NLGN1: variants seen among roughly 807,000 people sequenced by gnomAD.
The protein encoded by NLGN1 is neuroligin-1.
In NLGN1, 12 loss-of-function variants were observed where a neutral mutation model predicts 65.5. That is an observed-to-expected ratio of 0.18 (90% CI 0.12 to 0.30). The LOEUF is 0.30. Among genes scored for constraint, NLGN1 ranks in the 10% least tolerant of loss-of-function variants. The pLI is 1.00. For synonymous variants in NLGN1, 350 were observed against 359.5 expected, an observed-to-expected ratio of 0.97 and a Z score of 0.30; for missense variants, 750 against 1,007.1, an observed-to-expected ratio of 0.74 and a Z score of 3.46.
intron 2 of NLGN1, among the ~76,000 whole-genome samples, chr3:173,478,438 T>G (rs1199756128): frequency 6.6e-6 from 1 of 152,076 alleles, no homozygotes; most frequent in East Asian, 1.9e-4. Context: ...AAATAGCTAA[T>G]GCATACAGGG....
intron 1 of NLGN1, among the ~76,000 whole-genome samples, chr3:173,407,701 A>C (rs1284863989): frequency 1.3e-5 from 2 of 152,230 alleles, no homozygotes; most frequent in Non-Finnish European, 2.9e-5. Flanking sequence ...TAAGACAGGC[A>C]GCAGGGGCAG....
At chr3:173,538,294 A>G (rs1577161061) in intron 2 of NLGN1, among the ~76,000 whole-genome samples, 1 of 152,304 alleles carries the variant, frequency 6.6e-6, no homozygotes, top group East Asian at 1.9e-4. Context: ...CCATTCCACC[A>G]TTCTCTGAAA....
chr3:174,196,776 A>C (rs1733501127), intron 4 of NLGN1, among the ~76,000 whole-genome samples: 1 of 152,228 alleles, frequency 6.6e-6, no homozygotes, highest in Admixed American at 6.5e-5. Context: ...CATGATCTAC[A>C]ATGTATAGAA....
intron 4 of NLGN1, among the ~76,000 whole-genome samples, chr3:174,076,868 T>TA (rs1194118215): frequency 5.9e-5 from 9 of 152,098 alleles, no homozygotes; most frequent in Non-Finnish European, 1.2e-4. Context: ...ATGTGGCTGT[T>TA]ACTTTTAAAG....
intron 4 of NLGN1, among the ~76,000 whole-genome samples, chr3:174,200,974 C>G (rs922690052): frequency 6.6e-6 from 1 of 152,106 alleles, no homozygotes; most frequent in Non-Finnish European, 1.5e-5. Flanking sequence ...TGGTTGTTCA[C>G]GCCCGTAATC....
At chr3:173,539,739 T>TAGGTACATATATAACATATAC (rs1738359011) in intron 2 of NLGN1, among the ~76,000 whole-genome samples, 2 of 128,738 alleles carry the variant, frequency 1.6e-5, no homozygotes, top group Non-Finnish European at 3.3e-5. Flanking sequence ...TATATACATA[T>TAGGTACATATATAACATATAC]ATGTACATAT....
At chr3:174,114,043 C>T (rs1259223862) in intron 4 of NLGN1, among the ~76,000 whole-genome samples, 4 of 152,116 alleles carry the variant, frequency 2.6e-5, no homozygotes, top group African/African-American at 7.2e-5. Context: ...TTATTTTCCC[C>T]TCCTTTATTT....
At position 173,782,998 on chromosome 3, in the gene NLGN1, AAG is replaced by A. The variant is rs1781409071; in HGVS notation, c.494-24677_494-24676del. 3.5e-5 allele frequency among the ~76,000 whole-genome samples: 3 copies of A among 85,722 alleles called. No homozygotes were observed. The Admixed American group carries it at 3.5e-4, about 10-fold the overall frequency. 56.2% of individuals were successfully genotyped at this position (85,722 alleles called of 152,430 possible). ...AAATATAGAAAGCTGTCTTTTAAGAAAGAGAGGGAATAAATATATATGTATAA... is the reference window on the plus strand; with the variant it reads ...AAATATAGAAAGCTGTCTTTTAAGAAAGAGGGAATAAATATATATGTATAA... On this transcript the variant is annotated intron_variant, in intron 3 of 6. Transcript: ENST00000457714.
At chr3:173,464,202 G>T (rs1723883590) in intron 2 of NLGN1, among the ~76,000 whole-genome samples, 1 of 152,048 alleles carries the variant, frequency 6.6e-6, no homozygotes. Flanking sequence ...GATATGATAT[G>T]TGCATTATCT....
intron 3 of NLGN1, among the ~76,000 whole-genome samples, chr3:173,773,047 A>T (rs554382896): frequency 3.3e-5 from 5 of 152,234 alleles, no homozygotes; most frequent in Non-Finnish European, 7.4e-5. Context: ...TTCCAGACAT[A>T]TTCACTTTTG....
At chr3:173,732,946 A>G (rs1468111102) in intron 3 of NLGN1, among the ~76,000 whole-genome samples, 1 of 152,146 alleles carries the variant, frequency 6.6e-6, no homozygotes, top group African/African-American at 2.4e-5. Flanking sequence ...AGTTAATGAG[A>G]GTATTGGTGA....
rs139580044 is a variant in NLGN1 at position 173,451,836 on chromosome 3, G to A, written c.-321+16758G>A. The stretch of plus-strand genomic sequence containing the variant: ...GCTATGCTAGCATGAGCAAGGCTCC[G>A]TGGGCGTAGGACCCTCTGAGCCATG... On this transcript the variant is annotated intron_variant, in intron 2 of 6. Coordinates refer to ENST00000457714, the Ensembl canonical transcript of NLGN1. Among the ~76,000 whole-genome samples the A allele has an allele frequency of 4.4e-3, 667 of 152,298 alleles. 4 individuals are homozygous for A. Among genetic ancestry groups the A allele is most frequent in the African/African-American group, 0.014 (595 of 41,570 alleles).
intron 4 of NLGN1, among the ~76,000 whole-genome samples, chr3:173,982,192 G>A (rs1718929805): frequency 6.6e-6 from 1 of 152,060 alleles, no homozygotes; most frequent in Non-Finnish European, 1.5e-5. Context: ...CCATTAACGT[G>A]TGCCTTTCTT....
At chr3:174,191,336 G>A (rs1732358492) in intron 4 of NLGN1, among the ~76,000 whole-genome samples, 1 of 152,010 alleles carries the variant, frequency 6.6e-6, no homozygotes. Flanking sequence ...TGCATGCGAG[G>A]GAATCAAAGT....
intron 3 of NLGN1, among the ~76,000 whole-genome samples, chr3:173,764,309 A>G (rs553452399): frequency 5.3e-5 from 8 of 152,142 alleles, no homozygotes; most frequent in Non-Finnish European, 1.0e-4. Context: ...TGATAAGTAT[A>G]CTCTGTCTGA....
At chr3:174,009,530 G>T (rs781289718) in intron 4 of NLGN1, among the ~76,000 whole-genome samples, 5 of 152,112 alleles carry the variant, frequency 3.3e-5, no homozygotes, top group Non-Finnish European at 5.9e-5. Context: ...ACATCCCTGT[G>T]CCAAGTTCAC....
chr3:173,986,967 T>A (rs149472268), intron 4 of NLGN1, among the ~76,000 whole-genome samples: 1 of 152,322 alleles, frequency 6.6e-6, no homozygotes, highest in African/African-American at 2.4e-5. Flanking sequence ...GTATTTTGTT[T>A]CAGCCATAAT....
chr3:174,227,656 CTG>C (rs1739966422), intron 4 of NLGN1, among the ~76,000 whole-genome samples: 1 of 151,880 alleles, frequency 6.6e-6, no homozygotes, highest in Non-Finnish European at 1.5e-5. Flanking sequence ...GATGAGAAAA[CTG>C]TGATCAAAAG....
At chr3:173,439,115 G>C (rs1187353796) in intron 2 of NLGN1, among the ~76,000 whole-genome samples, 1 of 152,168 alleles carries the variant, frequency 6.6e-6, no homozygotes, top group Non-Finnish European at 1.5e-5. Flanking sequence ...GAAAAGAGCT[G>C]TTGAAGTCTG....
Sources: gnomAD v4.1 joint callset for allele counts (sites outside exome capture counted in the v4.1 genomes callset) on GRCh38, gnomAD v4.1.1 for gene constraint, MANE v1.5 for transcripts, NCBI Gene and HGNC (gene_info 2026-07-23, HGNC 2026-07-21) for gene names.